The following CADPS variants were observed in gnomAD, a reference collection of about 807,000 sequenced individuals.
CADPS encodes the protein calcium dependent secretion activator, also known as calcium-dependent secretion activator 1.
In CADPS, 57 loss-of-function variants were observed where a neutral mutation model predicts 167.3. The observed-to-expected ratio is 0.34, with a 90% confidence interval of 0.28 to 0.42. The LOEUF (loss-of-function observed/expected upper bound fraction) is 0.42, where lower values mean the gene tolerates loss of function less well. CADPS is among the 20% of genes least tolerant of loss of function. The pLI is 1.00. For synonymous variants in CADPS, 676 were observed against 635.3 expected (o/e 1.06, Z -0.96); for missense variants, 1,414 against 1,738.1 (o/e 0.81, Z 3.32).
At position 62,651,098 on chromosome 3, in the gene CADPS, A is replaced by C. The variant is rs1231537435; in HGVS notation, c.970-18T>G. The stretch of plus-strand genomic sequence containing the variant: ...TTGCGTTCCTTGGGAAGAAAAAGAA[A>C]AGTATGAGCAGAGGAGAAAATAGAA... On this transcript the variant is annotated intron_variant, in intron 4 of 29. Coordinates refer to ENST00000383710, the MANE Select transcript of CADPS (RefSeq NM_003716.4). 6.5e-7 allele frequency: 1 copy of C among 1,544,430 alleles called. No individual in the cohort carries two copies. Among genetic ancestry groups the C allele is most frequent in the Admixed American group, 1.7e-5 (1 of 59,452 alleles).
intron 24 of CADPS, among the ~76,000 whole-genome samples, chr3:62,472,408 G>T (rs17688430): frequency 0.15 from 23,501 of 152,146 alleles, 2,350 homozygotes; most frequent in East Asian, 0.25. Flanking sequence ...AGGAGGAACA[G>T]GATTCTGGAA....
chr3:62,694,105 C>T (rs1563941928), intron 3 of CADPS, among the ~76,000 whole-genome samples: 2 of 152,080 alleles, frequency 1.3e-5, no homozygotes, highest in South Asian at 2.1e-4. Flanking sequence ...TACACATGGG[C>T]TTAACCCAGA....
chr3:62,805,266 C>A (rs533331921), intron 1 of CADPS, among the ~76,000 whole-genome samples: 1 of 152,164 alleles, frequency 6.6e-6, no homozygotes, highest in Non-Finnish European at 1.5e-5. Flanking sequence ...ATTTCTCAAG[C>A]GCTGCTTTCT....
intron 17 of CADPS, among the ~76,000 whole-genome samples, chr3:62,508,363 C>T (rs910440282): frequency 1.1e-4 from 16 of 152,122 alleles, no homozygotes; most frequent in African/African-American, 3.9e-4. Context: ...TTGTGTTATA[C>T]AGTTTCATTG....
rs182927884 is a variant in CADPS, at chr3:62,398,348, T to C, written c.*1058A>G. 2.6e-5 allele frequency: 4 copies of C among 152,636 alleles called. No homozygotes were observed. Among genetic ancestry groups the C allele is most frequent in the Admixed American group, 2.6e-4 (4 of 15,282 alleles). 9.5% of individuals were successfully genotyped at this position (152,636 alleles called of 1,614,324 possible). A position where few individuals can be genotyped will look rare whatever the true frequency, so the allele number is the denominator to read the frequency against. On this transcript the variant is annotated 3_prime_UTR_variant, in exon 30 of 30. Coordinates refer to ENST00000383710, the MANE Select transcript of CADPS (RefSeq NM_003716.4). Reference sequence around the variant, plus strand: ...ACAGAGGAAGACAGACCCAAACGTATATTCTTAGGACATCTGAATATTTAT... The same window carrying C: ...ACAGAGGAAGACAGACCCAAACGTACATTCTTAGGACATCTGAATATTTAT...
At chr3:62,674,295 T>C (rs2076013798) in intron 3 of CADPS, among the ~76,000 whole-genome samples, 1 of 152,206 alleles carries the variant, frequency 6.6e-6, no homozygotes, top group African/African-American at 2.4e-5. Flanking sequence ...CATGCACCAC[T>C]GTTTCCTTTG....
intron 27 of CADPS, chr3:62,441,052 TAAAAGA>T (rs2056225930): frequency 6.6e-6 from 1 of 152,136 alleles, no homozygotes; most frequent in Non-Finnish European, 1.5e-5. Context: ...TCAAAACAAT[TAAAAGA>T]AAAACTGTTC....
intron 6 of CADPS, among the ~76,000 whole-genome samples, chr3:62,622,516 G>C (rs2149496702): frequency 6.6e-6 from 1 of 152,184 alleles, no homozygotes; most frequent in African/African-American, 2.4e-5. Context: ...TTAAAGGTAG[G>C]GAGCTAACCT....
At chr3:62,462,065 T>C (rs894760602) in intron 26 of CADPS, among the ~76,000 whole-genome samples, 1 of 149,772 alleles carries the variant, frequency 6.7e-6, no homozygotes, top group Non-Finnish European at 1.5e-5. Flanking sequence ...GCTTGCCCTC[T>C]TCTTGGCCTC....
intron 1 of CADPS, among the ~76,000 whole-genome samples, chr3:62,846,363 T>C (rs1403316190): frequency 3.9e-5 from 6 of 152,200 alleles, no homozygotes; most frequent in Non-Finnish European, 7.4e-5. Flanking sequence ...GTATAATGTT[T>C]AGTTATTTCT....
chr3:62,432,367 T>C (rs1006064940), intron 28 of CADPS, among the ~76,000 whole-genome samples: 2 of 152,176 alleles, frequency 1.3e-5, no homozygotes, highest in African/African-American at 4.8e-5. Context: ...AGTTTCCTCC[T>C]TCTGTCTGTC....
chr3:62,681,969 AAGAGAC>A (rs1199682212), intron 3 of CADPS, among the ~76,000 whole-genome samples: 1 of 152,070 alleles, frequency 6.6e-6, no homozygotes. Flanking sequence ...ATCATGGCAG[AAGAGAC>A]ATTGTGTCTG....
intron 3 of CADPS, among the ~76,000 whole-genome samples, chr3:62,691,859 A>G (rs889944342): frequency 9.2e-5 from 14 of 152,100 alleles, no homozygotes; most frequent in African/African-American, 3.4e-4. Context: ...GTTGATGTGC[A>G]GCAAATTACC....
rs186606928 is a variant in CADPS, at chr3:62,510,069, C to T, written c.2599+2682G>A. Among the ~76,000 whole-genome samples the T allele has an allele frequency of 5.9e-5, 9 of 152,244 alleles. No homozygotes were observed. In the East Asian group the frequency reaches 1.7e-3, roughly 29 times the overall value. On this transcript the variant is annotated intron_variant, in intron 17 of 29. Transcript: ENST00000383710. Reference sequence around the variant, plus strand: ...GCCCATAGGTTCATAGGTGGCTGCTCTCTTCTCTCTTTCTCTCCCCACCTA... The same window carrying T: ...GCCCATAGGTTCATAGGTGGCTGCTTTCTTCTCTCTTTCTCTCCCCACCTA...
chr3:62,757,657 G>A (rs2084316441), intron 2 of CADPS, among the ~76,000 whole-genome samples: 1 of 152,120 alleles, frequency 6.6e-6, no homozygotes, highest in Non-Finnish European at 1.5e-5. Flanking sequence ...TAAAGATGTT[G>A]GCACTTGGGT....
At chr3:62,759,383 G>GA (rs928507776) in intron 2 of CADPS, among the ~76,000 whole-genome samples, 4 of 152,084 alleles carry the variant, frequency 2.6e-5, no homozygotes, top group Admixed American at 1.3e-4. Context: ...ATGCAGCCAT[G>GA]AAAAAAGATA....
chr3:62,757,009 A>G (rs2152442928), intron 2 of CADPS, among the ~76,000 whole-genome samples: 1 of 152,302 alleles, frequency 6.6e-6, no homozygotes, highest in Non-Finnish European at 1.5e-5. Flanking sequence ...ACCAGTTCAC[A>G]TTCTTTGGCT....
At chr3:62,854,532 T>G (rs1047659262) in intron 1 of CADPS, among the ~76,000 whole-genome samples, 1 of 152,240 alleles carries the variant, frequency 6.6e-6, no homozygotes, top group African/African-American at 2.4e-5. Flanking sequence ...CATATTACAA[T>G]GAGGAAAGTA....
chr3:62,806,391 G>T (rs977626709), intron 1 of CADPS, among the ~76,000 whole-genome samples: 2 of 151,358 alleles, frequency 1.3e-5, no homozygotes, highest in Non-Finnish European at 1.5e-5. Context: ...AATTAGCCGG[G>T]TGTGGTGGCA....
Sources: allele counts gnomAD v4.1 joint callset (sites outside exome capture counted in the v4.1 genomes callset), GRCh38; gene constraint gnomAD v4.1.1; transcripts MANE v1.5; gene names NCBI Gene and HGNC (gene_info 2026-07-23, HGNC 2026-07-21).